The following ANO6 variants were observed in gnomAD, a reference collection of about 807,000 sequenced individuals.
The protein encoded by ANO6 is anoctamin 6, also known as anoctamin-6.
In ANO6, 106 loss-of-function variants were observed where a neutral mutation model predicts 117.5. The observed-to-expected ratio is 0.90, with a 90% CI of 0.77 to 1.06. The LOEUF (loss-of-function observed/expected upper bound fraction) is 1.06, where lower values mean the gene tolerates loss of function less well. ANO6 is among the 50% of genes least tolerant of loss of function. The pLI, the probability that ANO6 is intolerant of heterozygous loss-of-function variation, is 0.00. For synonymous variants in ANO6, 367 were observed against 385.1 expected (o/e 0.95, Z 0.55); for missense variants, 955 against 1,121.1 (o/e 0.85, Z 2.12).
At chr12:45,372,923 G>A (rs1941887978) in intron 9 of ANO6, among the ~76,000 whole-genome samples, 1 of 152,192 alleles carries the variant, frequency 6.6e-6, no homozygotes, top group Admixed American at 6.5e-5. Flanking sequence ...TGGCAAATTG[G>A]ATAAAGAGTC....
At chr12:45,347,440 A>G (rs1403646057) in intron 4 of ANO6, 1 of 253,440 alleles carries the variant, frequency 3.9e-6, no homozygotes, top group Non-Finnish European at 7.5e-6. Context: ...AATTATCCAT[A>G]AATAATTTTG....
At chr12:45,376,677 G>A (rs1208456568) in intron 9 of ANO6, among the ~76,000 whole-genome samples, 1 of 142,746 alleles carries the variant, frequency 7.0e-6, no homozygotes, top group Admixed American at 7.2e-5. Context: ...ACAGGAAGGG[G>A]AACATCACAC....
chr12:45,274,630 G>A (rs1242480536), intron 1 of ANO6, among the ~76,000 whole-genome samples: 2 of 151,766 alleles, frequency 1.3e-5, no homozygotes, highest in Non-Finnish European at 2.9e-5. Context: ...CCTTTATACT[G>A]TCTGTAGTGG....
chr12:45,236,290 G>C (rs147964739), intron 1 of ANO6, among the ~76,000 whole-genome samples: 1 of 152,052 alleles, frequency 6.6e-6, no homozygotes, highest in Non-Finnish European at 1.5e-5. Context: ...ATTTAGGTTT[G>C]TTACATAGGT....
In ANO6 at chr12:45,348,245, AG is replaced by A. The variant is rs1300192386; in HGVS notation, c.564del (p.Asn189ThrfsTer3). On this transcript the variant is annotated frameshift_variant, in exon 5 of 20. Coordinates refer to ENST00000320560, the MANE Select transcript of ANO6 (RefSeq NM_001025356.3). LOFTEE classifies it high-confidence loss of function. ...EQEFFTAPFE[K>X]NRMNDFYIVD... is the part of the protein sequence containing the mutation. Reference sequence around the variant, plus strand: ...GAGTTTTTCACTGCCCCATTTGAGAAGAACCGGATGAATGATTTTTACATAG... The same window carrying A: ...GAGTTTTTCACTGCCCCATTTGAGAAAACCGGATGAATGATTTTTACATAG... 1.9e-6 allele frequency: 3 copies of A among 1,613,986 alleles called. No homozygotes were observed. Among genetic ancestry groups the A allele is most frequent in the Non-Finnish European group, 2.5e-6 (3 of 1,179,978 alleles).
chr12:45,275,354 C>T (rs554150617), intron 1 of ANO6, among the ~76,000 whole-genome samples: 2 of 152,172 alleles, frequency 1.3e-5, no homozygotes, highest in South Asian at 2.1e-4. Flanking sequence ...GGATTACAGG[C>T]ACCCGCCCCC....
At chr12:45,322,588 G>A (rs2137372878) in intron 2 of ANO6, among the ~76,000 whole-genome samples, 1 of 152,278 alleles carries the variant, frequency 6.6e-6, no homozygotes, top group African/African-American at 2.4e-5. Context: ...CAGTGTAAAA[G>A]GTAAGTTGGT....
chr12:45,299,262 T>C (rs1032973738), intron 1 of ANO6, among the ~76,000 whole-genome samples: 2 of 152,234 alleles, frequency 1.3e-5, no homozygotes, highest in African/African-American at 4.8e-5. Context: ...ATAACCAGTT[T>C]AGTATGTTAC....
At chr12:45,440,035 T>C in exon 20 of ANO6, 1 of 1,234,502 alleles carries the variant, frequency 8.1e-7, no homozygotes, top group Non-Finnish European at 1.0e-6. Flanking sequence ...TTTGGCTCAT[T>C]AATATTCCAA....
intron 9 of ANO6, among the ~76,000 whole-genome samples, chr12:45,372,834 A>G (rs1049812788): frequency 6.6e-6 from 1 of 152,212 alleles, no homozygotes; most frequent in East Asian, 1.9e-4. Context: ...TAACATCATC[A>G]TGACAGGATC....
chr12:45,226,949 CTTTA>C (rs1270292676), intron 1 of ANO6, among the ~76,000 whole-genome samples: 1 of 131,212 alleles, frequency 7.6e-6, no homozygotes, highest in Non-Finnish European at 1.7e-5. Flanking sequence ...ATAAGATATT[CTTTA>C]TTTAAAAAAA....
chr12:45,232,883 G>A (rs1021845558), intron 1 of ANO6, among the ~76,000 whole-genome samples: 3 of 152,192 alleles, frequency 2.0e-5, no homozygotes, highest in African/African-American at 7.2e-5. Context: ...TGCTAAAGGA[G>A]AGGCCATGGA....
chr12:45,434,880 A>G (rs957676778), downstream of ANO6, among the ~76,000 whole-genome samples: 5 of 152,210 alleles, frequency 3.3e-5, no homozygotes, highest in African/African-American at 9.7e-5. Flanking sequence ...ACTATCACAT[A>G]AACACTCACC....
In ANO6 at chr12:45,431,057, A is replaced by AT; in HGVS notation, c.*1748dup. On this transcript the variant is annotated 3_prime_UTR_variant, in exon 20 of 20. Transcript: ENST00000320560. ...GCCTGCCATGAATGATTTGTAAGTA[A>AT]TTATGTAGGATCCATCAAAGCAGTA... 1.0e-6 allele frequency: 1 copy of AT among 985,226 alleles called. No homozygotes were observed. The allele number at this position is 985,226 out of a possible 1,614,324, so 61.0% of individuals were successfully genotyped here.
At chr12:45,390,261 TTTGAAA>T (rs1306068769) in intron 11 of ANO6, among the ~76,000 whole-genome samples, 154 bp from the exon 12 acceptor site, 2 of 152,252 alleles carry the variant, frequency 1.3e-5, no homozygotes, top group African/African-American at 4.8e-5. Flanking sequence ...GATGTGTGAC[TTTGAAA>T]TTGTTAACAA....
At chr12:45,223,150 C>T (rs1170222685) in intron 1 of ANO6, among the ~76,000 whole-genome samples, 1 of 152,188 alleles carries the variant, frequency 6.6e-6, no homozygotes, top group Non-Finnish European at 1.5e-5. Context: ...GTTCCCCAAG[C>T]CACTACAGCA....
chr12:45,311,101 G>GA (rs757364309), intron 2 of ANO6, among the ~76,000 whole-genome samples: 75 of 152,036 alleles, frequency 4.9e-4, no homozygotes, highest in Non-Finnish European at 5.9e-4. Flanking sequence ...GATGTGTGGG[G>GA]AAAAAATGTA....
chr12:45,326,334 A>G (rs1410116790), intron 2 of ANO6, among the ~76,000 whole-genome samples: 1 of 152,234 alleles, frequency 6.6e-6, no homozygotes, highest in Non-Finnish European at 1.5e-5. Flanking sequence ...ATTTACTTAT[A>G]TAAAACACAA....
chr12:45,378,840 AGCGG>A (rs1392430802), intron 10 of ANO6, among the ~76,000 whole-genome samples: 1 of 152,146 alleles, frequency 6.6e-6, no homozygotes. Flanking sequence ...CTTCTATGTG[AGCGG>A]ATATTTAATG....
Sources: gnomAD v4.1 joint callset for allele counts (sites outside exome capture counted in the v4.1 genomes callset) on GRCh38, gnomAD v4.1.1 for gene constraint, MANE v1.5 for transcripts, NCBI Gene and HGNC (gene_info 2026-07-23, HGNC 2026-07-21) for gene names.